FNDC3B: variants seen among roughly 807,000 people sequenced by gnomAD.
The protein encoded by FNDC3B is fibronectin type III domain containing 3B, also known as fibronectin type III domain-containing protein 3B.
Under a neutral mutation model 151.5 loss-of-function variants are expected in FNDC3B, and 12 were observed. That is an observed-to-expected ratio of 0.08 (90% CI 0.05 to 0.13). The LOEUF is 0.13. FNDC3B is among the 10% of genes least tolerant of loss of function. The pLI is 1.00. For missense variants in FNDC3B, 1,214 were observed against 1,505.3 expected, an observed-to-expected ratio of 0.81 and a Z score of 3.20; for synonymous variants, 528 against 549.0, an observed-to-expected ratio of 0.96 and a Z score of 0.54.
intron 9 of FNDC3B, among the ~76,000 whole-genome samples, chr3:172,304,275 G>C (rs371323305): frequency 6.6e-6 from 1 of 152,184 alleles, no homozygotes; most frequent in Non-Finnish European, 1.5e-5. Context: ...GTACTTTGCA[G>C]GCTGTTTCCC....
chr3:172,046,569 C>T (rs528170382), intron 1 of FNDC3B, among the ~76,000 whole-genome samples: 140 of 152,062 alleles, frequency 9.2e-4, no homozygotes, highest in African/African-American at 1.9e-3. Flanking sequence ...GCAATCCCCC[C>T]GCTTCAGCCT....
At position 172,316,991 on chromosome 3, in the gene FNDC3B, G is replaced by A. The variant is rs549352731; in HGVS notation, c.1254+6110G>A. 9.8e-5 allele frequency among the ~76,000 whole-genome samples: 15 copies of A among 152,296 alleles called. No homozygotes were observed. The East Asian group carries it at 1.2e-3, about 12-fold the overall frequency. On this transcript the variant is annotated intron_variant, in intron 11 of 25. Coordinates refer to ENST00000415807, the MANE Select transcript of FNDC3B (RefSeq NM_022763.4). ...ATAGAAGACAGGAGGGCAAGACAGC[G>A]CAAGCGTGAGAGAGGGAAGGGAACC...
At chr3:172,239,209 T>TGGAGAGG (rs777363340) in intron 4 of FNDC3B, among the ~76,000 whole-genome samples, 70 of 152,018 alleles carry the variant, frequency 4.6e-4, no homozygotes, top group Non-Finnish European at 8.5e-4. Context: ...AGGTGCTGAG[T>TGGAGAGG]GGAGAGGGGA....
At position 172,365,743 on chromosome 3, in the gene FNDC3B, G is replaced by A. The variant is rs142790350; in HGVS notation, c.3008+2898G>A. 3.8e-3 allele frequency among the ~76,000 whole-genome samples: 582 copies of A among 152,328 alleles called. 2 individuals carry two copies. Among genetic ancestry groups the A allele is most frequent in the Admixed American group, 8.6e-3 (131 of 15,296 alleles). ...GGCATTGTGGGCCTTTGAAAAGAAA[G>A]CTGCTGATGTCTGAGTTTTATGGGA... On this transcript the variant is annotated intron_variant, in intron 23 of 25. Coordinates refer to ENST00000415807, the MANE Select transcript of FNDC3B (RefSeq NM_022763.4).
intron 2 of FNDC3B, among the ~76,000 whole-genome samples, chr3:172,123,296 C>T (rs900900434): frequency 6.6e-6 from 1 of 152,174 alleles, no homozygotes; most frequent in African/African-American, 2.4e-5. Flanking sequence ...GCCTAGACCT[C>T]CCAAAATGTG....
chr3:172,096,763 C>T (rs528718975), intron 1 of FNDC3B, among the ~76,000 whole-genome samples: 1 of 152,176 alleles, frequency 6.6e-6, no homozygotes, highest in Admixed American at 6.5e-5. Flanking sequence ...AACAATTAAA[C>T]TTTCTTCTTG....
At chr3:172,381,468 A>G (rs1383498863) in intron 25 of FNDC3B, among the ~76,000 whole-genome samples, 2 of 150,144 alleles carry the variant, frequency 1.3e-5, no homozygotes, top group East Asian at 3.9e-4. Flanking sequence ...GTTAGTATTG[A>G]TCTTTTTTTT....
At chr3:172,384,769 G>A (rs1735622305) in intron 25 of FNDC3B, among the ~76,000 whole-genome samples, 2 of 152,158 alleles carry the variant, frequency 1.3e-5, no homozygotes, top group Non-Finnish European at 2.9e-5. Flanking sequence ...ATTGGCAGAT[G>A]ATCTCTTTTG....
At chr3:172,207,607 G>A (rs1238270857) in intron 3 of FNDC3B, among the ~76,000 whole-genome samples, 8 of 152,180 alleles carry the variant, frequency 5.3e-5, no homozygotes, top group Non-Finnish European at 7.3e-5. Flanking sequence ...GGGCGGCCAT[G>A]GGCGGGGCCT....
intron 3 of FNDC3B, among the ~76,000 whole-genome samples, chr3:172,188,081 C>T (rs563841925): frequency 1.4e-4 from 21 of 150,128 alleles, no homozygotes; most frequent in African/African-American, 3.2e-4. Context: ...CTGCAACCTC[C>T]GCCTCCCAGG....
intron 22 of FNDC3B, among the ~76,000 whole-genome samples, chr3:172,355,062 T>A (rs929598825): frequency 6.6e-6 from 1 of 152,178 alleles, no homozygotes; most frequent in African/African-American, 2.4e-5. Flanking sequence ...GCTGACACAC[T>A]CTGTAGAAAT....
Position 172,312,557 on chromosome 3 carries a change from G to GT in FNDC3B, c.1254+1682dup, listed in dbSNP as rs147497110. On this transcript the variant is annotated intron_variant, in intron 11 of 25. Coordinates refer to ENST00000415807, the MANE Select transcript of FNDC3B (RefSeq NM_022763.4). Reference sequence around the variant, plus strand: ...TATGTTGATTTGTTGCACTCACCTTGTTTTTTCTCATGTCTCGAGGTTCAC... The same window carrying GT: ...TATGTTGATTTGTTGCACTCACCTTGTTTTTTTCTCATGTCTCGAGGTTCAC... Among the ~76,000 whole-genome samples the GT allele has an allele frequency of 7.6e-3, 1,148 of 151,814 alleles. 20 individuals are homozygous for GT. Among genetic ancestry groups the GT allele is most frequent in the African/African-American group, 0.026 (1,089 of 41,370 alleles).
In FNDC3B at chr3:172,049,924, A is replaced by G. The variant is rs138968157; in HGVS notation, c.-29+10153A>G. 2.8e-4 allele frequency among the ~76,000 whole-genome samples: 43 copies of G among 152,356 alleles called. No individual in the cohort carries two copies. The East Asian group carries it at 8.1e-3, about 29-fold the overall frequency. On this transcript the variant is annotated intron_variant, in intron 1 of 25. Transcript: ENST00000415807. Reference sequence around the variant, plus strand: ...AATGGTGTAAGTCATCTCTGTACTCATGTTGGAAATGCATTAGGTGTTAGA... The same window carrying G: ...AATGGTGTAAGTCATCTCTGTACTCGTGTTGGAAATGCATTAGGTGTTAGA...
chr3:172,317,420 G>A (rs375845642), intron 11 of FNDC3B, among the ~76,000 whole-genome samples: 33 of 151,930 alleles, frequency 2.2e-4, no homozygotes, highest in African/African-American at 6.5e-4. Flanking sequence ...TCCTGACCTC[G>A]TGATCCGCCT....
intron 1 of FNDC3B, among the ~76,000 whole-genome samples, chr3:172,059,028 T>C (rs1014775594): frequency 6.6e-6 from 1 of 152,224 alleles, no homozygotes; most frequent in African/African-American, 2.4e-5. Context: ...CTCTGACATT[T>C]TGTTTCTGGT....
At chr3:172,345,626 A>G (rs1733574978) in intron 19 of FNDC3B, among the ~76,000 whole-genome samples, 1 of 152,046 alleles carries the variant, frequency 6.6e-6, no homozygotes, top group African/African-American at 2.4e-5. Flanking sequence ...TGACAAGGAC[A>G]GTCATATATT....
In FNDC3B at chr3:172,056,042, A is replaced by G. The variant is rs996710491; in HGVS notation, c.-29+16271A>G. Among the ~76,000 whole-genome samples, 3 of 152,048 alleles carry G rather than the reference A, an allele frequency of 2.0e-5. No homozygotes were observed. In the South Asian group the frequency reaches 6.3e-4, roughly 32 times the overall value. Reference sequence around the variant, plus strand: ...GTGATCCGCCCGCCTCGGCCTCCCAAAGTGCTGGGATTACAGGCGTGAGCC... The same window carrying G: ...GTGATCCGCCCGCCTCGGCCTCCCAGAGTGCTGGGATTACAGGCGTGAGCC... On this transcript the variant is annotated intron_variant, in intron 1 of 25. Transcript: ENST00000415807.
At chr3:172,293,743 A>G (rs998866619) in intron 7 of FNDC3B, among the ~76,000 whole-genome samples, 5 of 152,246 alleles carry the variant, frequency 3.3e-5, no homozygotes, top group African/African-American at 7.2e-5. Flanking sequence ...ATGATATTCT[A>G]TTTATATGGA....
intron 3 of FNDC3B, chr3:172,225,511 A>T (rs779638474): frequency 4.7e-6 from 1 of 211,632 alleles, no homozygotes; most frequent in Non-Finnish European, 9.9e-6. Context: ...TGGCCATAAA[A>T]ACTCCAGCAT....
Sources: allele counts gnomAD v4.1 joint callset (sites outside exome capture counted in the v4.1 genomes callset), GRCh38; gene constraint gnomAD v4.1.1; transcripts MANE v1.5; gene names NCBI Gene and HGNC (gene_info 2026-07-23, HGNC 2026-07-21).